The following P2RY6 variants were observed in gnomAD, a reference collection of about 807,000 sequenced individuals.
P2RY6 encodes the protein P2Y purinoceptor 6.
A neutral mutation model predicts 16.3 loss-of-function variants in P2RY6; 19 were observed. The observed-to-expected ratio is 1.16, with a 90% CI of 0.81 to 1.71. The LOEUF is 1.71. Ranked by LOEUF, P2RY6 falls within the 40% of genes most tolerant of loss-of-function variation. The pLI, the probability that P2RY6 is intolerant of heterozygous loss-of-function variation, is 0.00. For missense variants in P2RY6, 389 were observed against 455.5 expected (o/e 0.85, Z 1.33); for synonymous variants, 184 against 201.5 (o/e 0.91, Z 0.74).
chr11:73,275,066 C>T (rs1863481695), intron 1 of P2RY6, among the ~76,000 whole-genome samples: 1 of 152,226 alleles, frequency 6.6e-6, no homozygotes, highest in Non-Finnish European at 1.5e-5. Flanking sequence ...GAGCAAGACG[C>T]AGTCATTTGG....
rs766976278 is a variant in P2RY6 at position 73,297,219 on chromosome 11, G to A, written c.701G>A (p.Arg234His). The change falls in exon 3 of 3, where the codon CGT becomes CAT. Residue 234 changes from arginine (R) to histidine (H), a missense_variant. Arg to His is a conservative substitution (Grantham distance 29, BLOSUM62 0). Coordinates refer to ENST00000540124, the MANE Select transcript of P2RY6 (RefSeq NM_001277204.2). The stretch of plus-strand genomic sequence containing the variant: ...GCAGAGCCTGTGGCCCAGGAGCGGC[G>A]TGGCAAGGCGGCCCGCATGGCCGTG... ...GPAEPVAQER[R>H]GKAARMAVVV... 1.6e-5 allele frequency: 26 copies of A among 1,603,082 alleles called. No individual in the cohort carries two copies. In the East Asian group the frequency reaches 2.9e-4, roughly 18 times the overall value.
intron 1 of P2RY6, among the ~76,000 whole-genome samples, chr11:73,281,228 C>T (rs182974742): frequency 2.0e-4 from 31 of 152,292 alleles, no homozygotes; most frequent in Non-Finnish European, 2.8e-4. Context: ...TCAGCTCATC[C>T]GCGCCCTCAG....
rs561067079 is a variant in P2RY6 at position 73,290,872 on chromosome 11, C to T, written c.-120-4858C>T. Among the ~76,000 whole-genome samples, 124 of 152,334 alleles carry T rather than the reference C, an allele frequency of 8.1e-4. 1 individual carries two copies. The highest frequency in any genetic ancestry group is 2.8e-3 in the African/African-American group (115 of 41,580). ...TGAGAGCAAGGCAGTTCCTTGGCTC[C>T]GATTCAGTCATCCTTAGATTCTTTG... On this transcript the variant is annotated intron_variant, in intron 1 of 2. Coordinates refer to ENST00000540124, the MANE Select transcript of P2RY6 (RefSeq NM_001277204.2).
Position 73,296,960 on chromosome 11 carries a change from T to C in P2RY6, c.442T>C (p.Cys148Arg). The C allele has an allele frequency of 6.2e-7, 1 of 1,603,700 alleles. No individual in the cohort carries two copies. The part of the protein sequence containing the change: ...RGGRRAAWLV[C>R]VAVWLAVTTQ... The stretch of plus-strand genomic sequence containing the variant: ...GGGCCGCCGGGCTGCCTGGCTAGTG[T>C]GTGTAGCCGTGTGGCTGGCCGTGAC... The change falls in exon 3 of 3, where the codon TGT (cysteine) becomes CGT (arginine). Residue 148 changes from cysteine to arginine, a missense_variant. Physicochemically the swap from Cys to Arg is radical, Grantham distance 180 (BLOSUM62 -3). Transcript: ENST00000540124.
Position 73,297,661 on chromosome 11 carries a change from C to T in P2RY6, c.*156C>T, listed in dbSNP as rs1045124. The T allele has an allele frequency of 2.0e-5, 13 of 647,576 alleles. No homozygotes were observed. Among genetic ancestry groups the T allele is most frequent in the Non-Finnish European group, 3.3e-5 (12 of 367,808 alleles). The allele number at this position is 647,576 out of a possible 1,614,324, so 40.1% of individuals were successfully genotyped here. ...CCCAGAAGCTCACCAAAAACTATTT[C>T]TTCAGCCCCTTCTCTGGCCCAGACC... On this transcript the variant is annotated 3_prime_UTR_variant, in exon 3 of 3. Coordinates refer to ENST00000540124, the MANE Select transcript of P2RY6 (RefSeq NM_001277204.2).
Position 73,295,771 on chromosome 11 carries a change from G to A in P2RY6, c.-79G>A, listed in dbSNP as rs1233719827. 5.1e-6 allele frequency: 5 copies of A among 985,242 alleles called. No homozygotes were observed. Among genetic ancestry groups the A allele is most frequent in the Non-Finnish European group, 6.0e-6 (5 of 829,870 alleles). 61.0% of individuals were successfully genotyped at this position (985,242 alleles called of 1,614,324 possible). On this transcript the variant is annotated 5_prime_UTR_variant, in exon 2 of 3. Coordinates refer to ENST00000540124, the MANE Select transcript of P2RY6 (RefSeq NM_001277204.2). ...CAGAAGAACCATGGCTTTGGAAGGCGGAGTTCAGGCTGAGGAGATGGGTGC... is the reference window on the plus strand; with the variant it reads ...CAGAAGAACCATGGCTTTGGAAGGCAGAGTTCAGGCTGAGGAGATGGGTGC...
At chr11:73,293,671 G>T (rs1402667235) in intron 1 of P2RY6, among the ~76,000 whole-genome samples, 2 of 152,220 alleles carry the variant, frequency 1.3e-5, no homozygotes, top group Non-Finnish European at 2.9e-5. Flanking sequence ...GGCCAGGTCT[G>T]TCTTTCCTGA....
intron 1 of P2RY6, among the ~76,000 whole-genome samples, chr11:73,278,857 G>T (rs373894584): frequency 6.6e-6 from 1 of 152,080 alleles, no homozygotes; most frequent in East Asian, 1.9e-4. Context: ...TTGAGTCCTT[G>T]CCTTCAGTTC....
chr11:73,286,586 A>T (rs1006883737), intron 1 of P2RY6, among the ~76,000 whole-genome samples: 3 of 151,818 alleles, frequency 2.0e-5, no homozygotes, highest in African/African-American at 7.3e-5. Context: ...AAAAAAAAAA[A>T]AAAATGGAAC....
At chr11:73,267,453 C>T (rs1863143082), upstream of P2RY6, among the ~76,000 whole-genome samples, 1 of 152,094 alleles carries the variant, frequency 6.6e-6, no homozygotes, top group South Asian at 2.1e-4. Flanking sequence ...ATTGTAGGCA[C>T]CCCTCAGGAT....
chr11:73,296,223 G>GAA (rs142793721), intron 2 of P2RY6, among the ~76,000 whole-genome samples: 4,569 of 121,336 alleles, frequency 0.038, 101 homozygotes, highest in Middle Eastern at 0.073. Flanking sequence ...AAGGCTGAAG[G>GAA]AAAAAAAAAA....
At chr11:73,286,859 CAG>C (rs1212511187) in intron 1 of P2RY6, among the ~76,000 whole-genome samples, 1 of 152,174 alleles carries the variant, frequency 6.6e-6, no homozygotes. Flanking sequence ...TCCTGAGAGA[CAG>C]GGTATCATGG....
At chr11:73,281,729 C>T (rs1004234113) in intron 1 of P2RY6, among the ~76,000 whole-genome samples, 5 of 152,224 alleles carry the variant, frequency 3.3e-5, no homozygotes, top group African/African-American at 1.2e-4. Context: ...ATCCCATGTC[C>T]AGATGACTGT....
At chr11:73,273,878 C>G (rs1487421655) in intron 1 of P2RY6, among the ~76,000 whole-genome samples, 1 of 152,124 alleles carries the variant, frequency 6.6e-6, no homozygotes, top group Non-Finnish European at 1.5e-5. Flanking sequence ...GCTCTGTCAC[C>G]CAGGTTGGAG....
chr11:73,275,150 T>C (rs530417630), intron 1 of P2RY6, among the ~76,000 whole-genome samples: 2 of 152,254 alleles, frequency 1.3e-5, no homozygotes, highest in East Asian at 1.9e-4. Flanking sequence ...ACCCAGGGGC[T>C]AGTGGGTCCA....
At chr11:73,290,373 AAG>A (rs1213713418) in intron 1 of P2RY6, among the ~76,000 whole-genome samples, 1 of 151,344 alleles carries the variant, frequency 6.6e-6, no homozygotes, top group African/African-American at 2.4e-5. Flanking sequence ...GAAGGAAAGA[AAG>A]AGAAAGAAAG....
chr11:73,290,329 AAGAAAGAAAGAAAG>A (rs1864171607), intron 1 of P2RY6, among the ~76,000 whole-genome samples: 1 of 150,412 alleles, frequency 6.6e-6, no homozygotes, highest in Non-Finnish European at 1.5e-5. Flanking sequence ...GAAAGAAAGA[AAGAAAGAAAGAAAG>A]AAAGAAAGAA....
intron 1 of P2RY6, among the ~76,000 whole-genome samples, chr11:73,286,879 A>G (rs1006499311): frequency 2.6e-5 from 4 of 152,166 alleles, no homozygotes; most frequent in African/African-American, 9.7e-5. Flanking sequence ...TGGTGGATTT[A>G]TAGTGCACTT....
Position 73,297,637 on chromosome 11 carries a change from C to T in P2RY6, c.*132C>T, listed in dbSNP as rs1458705376. The T allele has an allele frequency of 5.5e-6, 4 of 722,336 alleles. No homozygotes were observed. Among genetic ancestry groups the T allele is most frequent in the Non-Finnish European group, 9.2e-6 (4 of 434,546 alleles). 44.7% of individuals were successfully genotyped at this position (722,336 alleles called of 1,614,324 possible). A position where few individuals can be genotyped will look rare whatever the true frequency, so the allele number is the denominator to read the frequency against. ...ATGGAGTTAAGATCCCTCACAGGAC[C>T]CAGAAGCTCACCAAAAACTATTTCT... On this transcript the variant is annotated 3_prime_UTR_variant, in exon 3 of 3. Transcript: ENST00000540124.
Sources: allele counts gnomAD v4.1 joint callset (sites outside exome capture counted in the v4.1 genomes callset), GRCh38; gene constraint gnomAD v4.1.1; transcripts MANE v1.5; gene names NCBI Gene and HGNC (gene_info 2026-07-23, HGNC 2026-07-21).